The following RNPS1 variants were observed in gnomAD, a reference collection of about 807,000 sequenced individuals.
RNPS1 encodes RNA-binding protein with serine-rich domain 1.
For synonymous variants in RNPS1, 147 were observed against 150.0 expected (o/e 0.98, Z 0.15); for missense variants, 300 against 427.6 (o/e 0.70, Z 2.63).
intron 6 of RNPS1, chr16:2,255,985 C>T (rs376129153): frequency 9.3e-6 from 4 of 431,128 alleles, no homozygotes; most frequent in East Asian, 1.1e-4. Context: ...ATCAGCTGTG[C>T]GAGGTGGCGG....
chr16:2,260,468 A>T (rs1224370609), intron 6 of RNPS1, among the ~76,000 whole-genome samples: 2 of 152,160 alleles, frequency 1.3e-5, no homozygotes, highest in African/African-American at 4.8e-5. Flanking sequence ...GTGCAATAAA[A>T]ATCCGTTTTC....
chr16:2,262,671 A>G (rs1256995709), intron 5 of RNPS1, 69 bp downstream of exon 5: 2 of 1,378,902 alleles, frequency 1.5e-6, no homozygotes, highest in Non-Finnish European at 2.1e-6. Context: ...CTACATTCTA[A>G]GTTCATCTGC....
In RNPS1 at chr16:2,253,670, C is replaced by T; in HGVS notation, c.*294G>A. The T allele has an allele frequency of 1.8e-6, 1 of 541,688 alleles. No individual in the cohort carries two copies. Among genetic ancestry groups the T allele is most frequent in the Non-Finnish European group, 3.3e-6 (1 of 301,198 alleles). The allele number at this position is 541,688 out of a possible 1,614,324, so 33.6% of individuals were successfully genotyped here. A position where few individuals can be genotyped will look rare whatever the true frequency, so the allele number is the denominator to read the frequency against. On this transcript the variant is annotated 3_prime_UTR_variant, in exon 8 of 8. Coordinates refer to ENST00000320225, the MANE Select transcript of RNPS1 (RefSeq NM_080594.4). Reference sequence around the variant, plus strand: ...TCCCAGGTAAGCAGGGTCAAACCACCCCCAAGAGCCTCACTTTTCCCTGGT... The same window carrying T: ...TCCCAGGTAAGCAGGGTCAAACCACTCCCAAGAGCCTCACTTTTCCCTGGT...
intron 7 of RNPS1, among the ~76,000 whole-genome samples, chr16:2,254,275 A>G (rs2093566533): frequency 1.3e-5 from 2 of 152,208 alleles, no homozygotes; most frequent in Admixed American, 1.3e-4. Context: ...AACTGGGACT[A>G]CAGGCGCGCG....
intron 7 of RNPS1, among the ~76,000 whole-genome samples, chr16:2,254,558 A>C (rs1429424794): frequency 6.6e-6 from 1 of 151,836 alleles, no homozygotes; most frequent in Non-Finnish European, 1.5e-5. Context: ...CGGCCTCCCA[A>C]AGTGCTGGGA....
chr16:2,263,870 G>A (rs1013907304), intron 3 of RNPS1: 17 of 334,312 alleles, frequency 5.1e-5, no homozygotes, highest in Non-Finnish European at 7.8e-5. Context: ...ATGCCACCAC[G>A]CTCAGCTAAT....
At position 2,264,716 on chromosome 16, in the gene RNPS1, T is replaced by C; in HGVS notation, c.-73A>G. The C allele has an allele frequency of 6.3e-7, 1 of 1,592,378 alleles. No homozygotes were observed. ...TGAACTCTCACTTCTAACTTGATTC[T>C]GAGAAACGATCCCTAATCGATTGCA... is the stretch of plus-strand genomic sequence containing the variant. On this transcript the variant is annotated 5_prime_UTR_variant, in exon 2 of 8. Coordinates refer to ENST00000320225, the MANE Select transcript of RNPS1 (RefSeq NM_080594.4).
At chr16:2,257,859 G>A (rs1009145506) in intron 6 of RNPS1, 1 of 152,266 alleles carries the variant, frequency 6.6e-6, no homozygotes, top group Non-Finnish European at 1.5e-5. Context: ...GGCCTCGGAA[G>A]ACGGAAAGTT....
At chr16:2,254,898 C>T (rs553089972) in intron 7 of RNPS1, among the ~76,000 whole-genome samples, 4 of 151,868 alleles carry the variant, frequency 2.6e-5, no homozygotes, top group Non-Finnish European at 4.4e-5. Context: ...CCCACCACCA[C>T]GCCCGGCTAA....
At chr16:2,263,941 G>A in intron 3 of RNPS1, 1 of 361,238 alleles carries the variant, frequency 2.8e-6, no homozygotes, top group Non-Finnish European at 4.8e-6. Context: ...TGTTGCCCAT[G>A]CTGGTCTTGA....
At chr16:2,265,629 T>C (rs1183998543) in intron 1 of RNPS1, 1 of 152,090 alleles carries the variant, frequency 6.6e-6, no homozygotes, top group Non-Finnish European at 1.5e-5. Flanking sequence ...GGACTACAGA[T>C]GCACGCCACC....
At chr16:2,266,394 A>T (rs1266300644) in intron 1 of RNPS1, 4 of 985,268 alleles carry the variant, frequency 4.1e-6, no homozygotes, top group Non-Finnish European at 4.8e-6. Context: ...ACAATCAGTG[A>T]GTATCATTCA....
In RNPS1 at chr16:2,253,425, ACGGACAGACAGAAC is replaced by A. The variant is rs1173497134; in HGVS notation, c.*525_*538del. The A allele has an allele frequency of 1.5e-5, 3 of 199,684 alleles. No homozygotes were observed. The highest frequency in any genetic ancestry group is 3.1e-5 in the Non-Finnish European group (3 of 97,434). 12.4% of individuals were successfully genotyped at this position (199,684 alleles called of 1,614,324 possible). Reference sequence around the variant, plus strand: ...TGGGGTGCGGTGTGTGCATCGGTGCACGGACAGACAGAACCACGAGCAGCAACTACCATGGGTGA... The same window carrying A: ...TGGGGTGCGGTGTGTGCATCGGTGCACACGAGCAGCAACTACCATGGGTGA... On this transcript the variant is annotated 3_prime_UTR_variant, in exon 8 of 8. Coordinates refer to ENST00000320225, the MANE Select transcript of RNPS1 (RefSeq NM_080594.4).
chr16:2,262,593 G>A (rs1232890792), intron 5 of RNPS1, 147 bp downstream of exon 5: 13 of 930,204 alleles, frequency 1.4e-5, no homozygotes, highest in Middle Eastern at 2.8e-4. Flanking sequence ...ATGTATTAAT[G>A]GTCCACCAAG....
chr16:2,255,529 T>C (rs573883450), intron 7 of RNPS1, 56 bp downstream of exon 7: 3 of 1,524,014 alleles, frequency 2.0e-6, no homozygotes. Flanking sequence ...TGAAAGTCAC[T>C]GCGGTCACAT....
At chr16:2,267,013 C>T in intron 1 of RNPS1, 1 of 337,720 alleles carries the variant, frequency 3.0e-6, no homozygotes, top group Non-Finnish European at 4.2e-6. Flanking sequence ...CAGATTCCAG[C>T]CCCACCCCCC....
Position 2,260,650 on chromosome 16 carries a change from T to C in RNPS1, c.676+1628A>G, listed in dbSNP as rs548935983. 2.0e-5 allele frequency among the ~76,000 whole-genome samples: 3 copies of C among 152,214 alleles called. No homozygotes were observed. In the South Asian group the frequency reaches 6.2e-4, roughly 32 times the overall value. ...TTTCACCCAACTCACAGGTATTTAA[T>C]TGTACATATCCATGGCTGGGCTTGG... is the stretch of plus-strand genomic sequence containing the variant. On this transcript the variant is annotated intron_variant, in intron 6 of 7. Transcript: ENST00000320225.
At chr16:2,256,559 G>GA (rs561247512) in intron 6 of RNPS1, 41 of 148,536 alleles carry the variant, frequency 2.8e-4, no homozygotes, top group South Asian at 4.2e-4. Context: ...TCCGTCTCAA[G>GA]AAAAAAAAAA....
In RNPS1 at chr16:2,264,196, G is replaced by C. The variant is rs370320688; in HGVS notation, c.207C>G (p.Ser69=). 5.0e-6 allele frequency: 8 copies of C among 1,613,254 alleles called. No individual in the cohort carries two copies. The highest frequency in any genetic ancestry group is 1.3e-5 in the African/African-American group (1 of 74,906). The change falls in exon 3 of 8, where the codon TCC becomes TCG. Residue 69 remains serine (S), a synonymous_variant. Transcript: ENST00000320225. ...CCCACCTGGTACTGCTGCTACCACT[G>C]GAAGCGCTGCGCCTCTTTCGGGTTT... ...RDKTRKRRSA[S]SGSSSTRSRS... is the part of the protein sequence containing the mutation.
Sources: gnomAD v4.1 joint callset for allele counts (sites outside exome capture counted in the v4.1 genomes callset) on GRCh38, gnomAD v4.1.1 for gene constraint, MANE v1.5 for transcripts, NCBI Gene and HGNC (gene_info 2026-07-23, HGNC 2026-07-21) for gene names.